CC2D1A: variants seen among roughly 807,000 people sequenced by gnomAD.
CC2D1A encodes coiled-coil and C2 domain containing 1A.
A neutral mutation model predicts 123.8 loss-of-function variants in CC2D1A; 68 were observed. The ratio of observed to expected loss-of-function variants is 0.55; its 90% confidence interval spans 0.45 to 0.67. The LOEUF is 0.67. CC2D1A is among the 30% of genes least tolerant of loss of function. The pLI, the probability that CC2D1A is intolerant of heterozygous loss-of-function variation, is 0.00. For missense variants in CC2D1A, 1,185 were observed against 1,290.3 expected, an observed-to-expected ratio of 0.92 and a Z score of 1.25; for synonymous variants, 477 against 528.0, an observed-to-expected ratio of 0.90 and a Z score of 1.32.
At position 13,926,674 on chromosome 19, in the gene CC2D1A, C is replaced by A. The variant is rs768050009; in HGVS notation, c.2022C>A (p.Ser674=). The change falls in exon 19 of 29, where the codon TCC becomes TCA. Residue 674 remains serine (S), a synonymous_variant. Coordinates refer to ENST00000318003, the MANE Select transcript of CC2D1A (RefSeq NM_017721.5). ...ACCGTTGTTTGCCCACAGGACTGTC[C>A]CCTGGCGATCTGGATGTCTTTGTTC... is the stretch of plus-strand genomic sequence containing the variant. ...GINLPTPPGL[S]PGDLDVFVRF... 3.7e-6 allele frequency: 6 copies of A among 1,614,036 alleles called. No homozygotes were observed. Among genetic ancestry groups the A allele is most frequent in the Non-Finnish European group, 5.1e-6 (6 of 1,180,026 alleles).
intron 4 of CC2D1A, 67 bp from the exon 5 acceptor site, chr19:13,913,101 C>T: frequency 6.8e-7 from 1 of 1,469,628 alleles, no homozygotes; most frequent in Non-Finnish European, 9.0e-7. Context: ...ACTGTTACTG[C>T]AGAAGGGGCT....
intron 21 of CC2D1A, 21 bp from the exon 22 acceptor site, chr19:13,927,154 A>C (rs1437869504): frequency 1.9e-6 from 3 of 1,612,862 alleles, no homozygotes; most frequent in African/African-American, 1.3e-5. Flanking sequence ...TCCTGTCCCC[A>C]CTATACACAC....
Position 13,923,839 on chromosome 19 carries a change from C to A in CC2D1A, c.1940+28C>A. The A allele has an allele frequency of 6.4e-7, 1 of 1,556,420 alleles. No individual in the cohort carries two copies. The highest frequency in any genetic ancestry group is 8.9e-7 in the Non-Finnish European group (1 of 1,128,174). On this transcript the variant is annotated intron_variant, in intron 17 of 28. Coordinates refer to ENST00000318003, the MANE Select transcript of CC2D1A (RefSeq NM_017721.5). The surrounding 1 kb of genome is among the most constrained non-coding windows in gnomAD (Gnocchi z 5.3). ...AAGGCTCCTGATCTACGCCCCACCA[C>A]GTGGCCCCAGTGGCCCTTTGGTGGC...
intron 6 of CC2D1A, among the ~76,000 whole-genome samples, chr19:13,917,836 G>A (rs994503855): frequency 1.7e-4 from 26 of 151,936 alleles, no homozygotes; most frequent in African/African-American, 4.6e-4. Context: ...AAAATTAGCC[G>A]GGCATGTGCC....
chr19:13,923,812 G>C lies in CC2D1A; in HGVS notation c.1940+1G>C. 1.9e-6 allele frequency: 3 copies of C among 1,610,834 alleles called. No homozygotes were observed. The highest frequency in any genetic ancestry group is 2.5e-6 in the Non-Finnish European group (3 of 1,177,070). On this transcript the variant is annotated splice_donor_variant, in intron 17 of 28. Transcript: ENST00000318003. LOFTEE classifies it high-confidence loss of function. The surrounding 1 kb of genome is among the most constrained non-coding windows in gnomAD (Gnocchi z 5.3). ...AGCAAAGGACCTTCAGCGTCATCAA[G>C]TAAGGCTCCTGATCTACGCCCCACC...
At position 13,928,208 on chromosome 19, in the gene CC2D1A, C is replaced by T; in HGVS notation, c.2519+20C>T. On this transcript the variant is annotated intron_variant, in intron 24 of 28. Coordinates refer to ENST00000318003, the MANE Select transcript of CC2D1A (RefSeq NM_017721.5). ...GAACAGGTAGGTATCTGGGCCAGGG[C>T]ATGCTGGAGAAAACACCCAATTCCC... 1 of 1,608,792 alleles carries T rather than the reference C, an allele frequency of 6.2e-7. No homozygotes were observed. Among genetic ancestry groups the T allele is most frequent in the Non-Finnish European group, 8.5e-7 (1 of 1,176,818 alleles).
rs903501119 is a variant in CC2D1A, at chr19:13,913,248, C to T, written c.459C>T (p.Ser153=). ...CGCTCTATCAGACAGCAATTGAAAGCGCCAGACAAGCTGGAGACAGCGCCA... is the reference window on the plus strand; with the variant it reads ...CGCTCTATCAGACAGCAATTGAAAGTGCCAGACAAGCTGGAGACAGCGCCA... ...RLALYQTAIE[S]ARQAGDSAKM... Residue 153 remains serine, a synonymous_variant, in exon 5 of 29, where the codon AGC becomes AGT. Transcript: ENST00000318003. 8.7e-6 allele frequency: 14 copies of T among 1,613,614 alleles called. No homozygotes were observed. The highest frequency in any genetic ancestry group is 6.7e-5 in the East Asian group (3 of 44,874).
Position 13,930,716 on chromosome 19 carries a change from C to G in CC2D1A, c.*321C>G, listed in dbSNP as rs1326646619. 1.3e-5 allele frequency: 6 copies of G among 462,244 alleles called. No homozygotes were observed. In the East Asian group the frequency reaches 2.1e-4, roughly 16 times the overall value. The allele number at this position is 462,244 out of a possible 1,614,324, so 28.6% of individuals were successfully genotyped here. On this transcript the variant is annotated 3_prime_UTR_variant, in exon 29 of 29. Coordinates refer to ENST00000318003, the MANE Select transcript of CC2D1A (RefSeq NM_017721.5). The surrounding 1 kb of genome is among the most constrained non-coding windows in gnomAD (Gnocchi z 6.8). Reference sequence around the variant, plus strand: ...GCCAAGCCCCGAGGGCCCCTGCAAGCACTTTACTTCCTGTTCCTCCCCAGC... The same window carrying G: ...GCCAAGCCCCGAGGGCCCCTGCAAGGACTTTACTTCCTGTTCCTCCCCAGC...
intron 14 of CC2D1A, among the ~76,000 whole-genome samples, chr19:13,922,668 G>T (rs1256681794): frequency 2.6e-5 from 4 of 152,132 alleles, no homozygotes; most frequent in Non-Finnish European, 5.9e-5. Context: ...ACGAGGGCAG[G>T]GATTTTGTTC....
chr19:13,929,457 T>C lies in CC2D1A; in HGVS notation c.2583+15T>C. 1 of 1,613,076 alleles carries C rather than the reference T, an allele frequency of 6.2e-7. No homozygotes were observed. Among genetic ancestry groups the C allele is most frequent in the Non-Finnish European group, 8.5e-7 (1 of 1,179,916 alleles). ...TGGAGCGGAAGGTGGGTATCCATCC[T>C]GCCGGGCTACATGGGGCAGGACTGG... On this transcript the variant is annotated intron_variant, in intron 25 of 28. Transcript: ENST00000318003.
Position 13,912,520 on chromosome 19 carries a change from C to A in CC2D1A, c.313-8C>A. On this transcript the variant is annotated splice_region_variant and splice_polypyrimidine_tract_variant and intron_variant, in intron 3 of 28. Transcript: ENST00000318003. ...CTTATATCCTGCCCTGGCTGTGTGT[C>A]CCTGCAGGCGGAGCTAAATGAGGTC... The A allele has an allele frequency of 6.2e-7, 1 of 1,614,104 alleles. No individual in the cohort carries two copies. Among genetic ancestry groups the A allele is most frequent in the Non-Finnish European group, 8.5e-7 (1 of 1,180,010 alleles).
chr19:13,909,679 T>TCCAGCCTCCTGGCACTCCCCAGGGAAAA, intron 1 of CC2D1A, 144 bp from the exon 2 acceptor site: 1 of 1,087,896 alleles, frequency 9.2e-7, no homozygotes, highest in East Asian at 2.4e-5. Context: ...CTGGGCTTGT[T>TCCAGCCTCCTGGCACTCCCCAGGGAAAA]CCAGCCTCCT....
At chr19:13,925,934 ATATATAT>A (rs1329973256) in intron 17 of CC2D1A, among the ~76,000 whole-genome samples, 8 of 66,142 alleles carry the variant, frequency 1.2e-4, no homozygotes, top group Admixed American at 7.0e-4. Context: ...AAAAAAAAAA[ATATATAT>A]ATATATATAT....
At chr19:13,922,489 C>T (rs1450252847) in intron 14 of CC2D1A, among the ~76,000 whole-genome samples, 1 of 152,216 alleles carries the variant, frequency 6.6e-6, no homozygotes, top group South Asian at 2.1e-4. Flanking sequence ...CATCACATCT[C>T]CAGGAGGCCT....
chr19:13,918,551 C>A lies in CC2D1A; in HGVS notation c.921C>A (p.Asp307Glu), dbSNP rs755081945. The change falls in exon 8 of 29, where the codon GAC becomes GAA. Residue 307 changes from aspartate to glutamate, a missense_variant. Physicochemically the swap from Asp to Glu is conservative, Grantham distance 45. Coordinates refer to ENST00000318003, the MANE Select transcript of CC2D1A (RefSeq NM_017721.5). Reference sequence around the variant, plus strand: ...CCCTGAGCCGGGGTGAGCCCGTGGACCTCTCCTGCCTGCCCCCTCCACCCG... The same window carrying A: ...CCCTGAGCCGGGGTGAGCCCGTGGAACTCTCCTGCCTGCCCCCTCCACCCG... ...LEALSRGEPV[D>E]LSCLPPPPDQ... is the part of the protein sequence containing the mutation. The A allele has an allele frequency of 6.8e-6, 11 of 1,613,798 alleles. No homozygotes were observed. Among genetic ancestry groups the A allele is most frequent in the Non-Finnish European group, 8.5e-6 (10 of 1,179,980 alleles).
rs149322859 is a variant in CC2D1A, at chr19:13,907,611, G to T, written c.60+1110G>T. On this transcript the variant is annotated intron_variant, in intron 1 of 28. Coordinates refer to ENST00000318003, the MANE Select transcript of CC2D1A (RefSeq NM_017721.5). ...TCGCTTGAACCGAGAGGCGGAGGTT[G>T]CAGTGAGCTGAGATCGCGCCACTGC... Among the ~76,000 whole-genome samples, 646 of 152,150 alleles carry T rather than the reference G, an allele frequency of 4.2e-3. 4 individuals carry two copies. Among genetic ancestry groups the T allele is most frequent in the African/African-American group, 0.015 (618 of 41,504 alleles).
chr19:13,906,550 T>A lies in CC2D1A; in HGVS notation c.60+49T>A. ...ACCTGGGGATCCCTCCCCACCCCCG[T>A]CACTCGCTCAGGGAAGGGCCCCACC... On this transcript the variant is annotated intron_variant, in intron 1 of 28. Coordinates refer to ENST00000318003, the MANE Select transcript of CC2D1A (RefSeq NM_017721.5). This position sits in a 1 kb window ranked among gnomAD's most constrained non-coding sequence, Gnocchi z 4.1. The A allele has an allele frequency of 7.9e-7, 1 of 1,263,654 alleles. No homozygotes were observed. Among genetic ancestry groups the A allele is most frequent in the Non-Finnish European group, 1.0e-6 (1 of 953,336 alleles). The allele number at this position is 1,263,654 out of a possible 1,614,324, so 78.3% of individuals were successfully genotyped here.
At chr19:13,921,032 C>G in intron 14 of CC2D1A, 110 bp downstream of exon 14, 1 of 1,014,508 alleles carries the variant, frequency 9.9e-7, no homozygotes, top group South Asian at 1.8e-5. Context: ...GCTGCTGTAA[C>G]AAATAGGTCC....
intron 24 of CC2D1A, among the ~76,000 whole-genome samples, chr19:13,928,704 C>CTTTTTTTTTTTTTTTTTTTTT (rs60455051): frequency 1.8e-5 from 2 of 109,216 alleles, no homozygotes; most frequent in Non-Finnish European, 1.9e-5. Flanking sequence ...CCCAGTGTGT[C>CTTTTTTTTTTTTTTTTTTTTT]TTTTTTTTTT....
Sources: gnomAD v4.1 joint callset for allele counts (sites outside exome capture counted in the v4.1 genomes callset) on GRCh38, gnomAD v4.1.1 for gene constraint, Gnocchi (gnomAD v3.1) non-coding constraint, MANE v1.5 for transcripts, NCBI Gene and HGNC (gene_info 2026-07-23, HGNC 2026-07-21) for gene names.